The following CDH13 variants were observed in gnomAD, a reference collection of about 807,000 sequenced individuals.
CDH13 encodes cadherin-13.
In CDH13, 24 loss-of-function variants were observed where a neutral mutation model predicts 63.8. The ratio of observed to expected loss-of-function variants is 0.38; its 90% CI spans 0.27 to 0.53. The LOEUF (loss-of-function observed/expected upper bound fraction) is 0.53, where lower values mean the gene tolerates loss of function less well. CDH13 is among the 20% of genes least tolerant of loss of function. The pLI is 0.85. For synonymous variants in CDH13, 503 were observed against 355.3 expected, an observed-to-expected ratio of 1.42 and a Z score of -4.67; for missense variants, 1,049 against 903.1, an observed-to-expected ratio of 1.16 and a Z score of -2.07.
intron 6 of CDH13, among the ~76,000 whole-genome samples, chr16:83,384,373 T>G (rs1355708082): frequency 6.6e-6 from 1 of 151,980 alleles, no homozygotes; most frequent in Non-Finnish European, 1.5e-5. Context: ...CTTTCTTCCC[T>G]CCAAGTCCCC....
intron 7 of CDH13, among the ~76,000 whole-genome samples, chr16:83,496,391 G>T (rs1478601510): frequency 6.6e-6 from 1 of 150,528 alleles, no homozygotes; most frequent in East Asian, 2.0e-4. Context: ...ACAAACCTGA[G>T]AAAAACAAGC....
intron 2 of CDH13, among the ~76,000 whole-genome samples, chr16:82,878,902 C>G (rs375492356): frequency 2.6e-5 from 4 of 152,104 alleles, no homozygotes; most frequent in African/African-American, 9.7e-5. Flanking sequence ...AGCAGGCAGG[C>G]TTTTCAATGC....
intron 5 of CDH13, among the ~76,000 whole-genome samples, chr16:83,238,082 A>G (rs1904278419): frequency 7.3e-6 from 1 of 136,890 alleles, no homozygotes; most frequent in Admixed American, 7.8e-5. Context: ...AGCCTGTAGC[A>G]TTAGACTGGG....
intron 2 of CDH13, among the ~76,000 whole-genome samples, chr16:82,947,194 G>A (rs1486978173): frequency 6.6e-6 from 1 of 152,094 alleles, no homozygotes; most frequent in African/African-American, 2.4e-5. Flanking sequence ...CAGAGTAGGT[G>A]GTTATTCCTA....
chr16:82,790,883 C>A (rs2036264671), intron 1 of CDH13, among the ~76,000 whole-genome samples: 1 of 152,296 alleles, frequency 6.6e-6, no homozygotes, highest in South Asian at 2.1e-4. Flanking sequence ...TGGTCTCTCC[C>A]TTGACATATG....
At chr16:83,555,963 G>T (rs531917533) in intron 7 of CDH13, among the ~76,000 whole-genome samples, 1 of 152,310 alleles carries the variant, frequency 6.6e-6, no homozygotes, top group South Asian at 2.1e-4. Context: ...GATAGACAAA[G>T]CTATGGCCTG....
chr16:82,640,890 T>C (rs1298151883), intron 1 of CDH13, among the ~76,000 whole-genome samples: 1 of 152,208 alleles, frequency 6.6e-6, no homozygotes, highest in African/African-American at 2.4e-5. Flanking sequence ...TTAAGGCACT[T>C]TTGCTACCCA....
chr16:83,587,756 A>C (rs978717570), intron 7 of CDH13, among the ~76,000 whole-genome samples: 2 of 152,180 alleles, frequency 1.3e-5, no homozygotes, highest in Non-Finnish European at 2.9e-5. Flanking sequence ...ACCCATACAG[A>C]GAATGACATT....
chr16:83,122,761 A>G (rs1175081181), intron 3 of CDH13, among the ~76,000 whole-genome samples: 1 of 152,218 alleles, frequency 6.6e-6, no homozygotes, highest in Non-Finnish European at 1.5e-5. Flanking sequence ...CCCTAGATAA[A>G]AATTACCTAG....
At chr16:83,174,347 C>CT (rs1054580777) in intron 4 of CDH13, among the ~76,000 whole-genome samples, 1 of 151,984 alleles carries the variant, frequency 6.6e-6, no homozygotes, top group Non-Finnish European at 1.5e-5. Flanking sequence ...TTGGCACTAT[C>CT]TTTTTTTTCT....
chr16:82,998,655 T>C (rs1222140014), intron 2 of CDH13, among the ~76,000 whole-genome samples: 1 of 152,192 alleles, frequency 6.6e-6, no homozygotes, highest in Middle Eastern at 3.2e-3. Context: ...CTGCTATGAA[T>C]TAGCAGACAT....
intron 5 of CDH13, among the ~76,000 whole-genome samples, chr16:83,240,696 C>G (rs1216790054): frequency 9.1e-6 from 1 of 109,482 alleles, no homozygotes; most frequent in Non-Finnish European, 1.9e-5. Context: ...AAAAACATGA[C>G]TTTAAATTTA....
chr16:82,711,801 A>C (rs560628491), intron 1 of CDH13, among the ~76,000 whole-genome samples: 1 of 152,340 alleles, frequency 6.6e-6, no homozygotes, highest in Non-Finnish European at 1.5e-5. Context: ...GGTGATGCCG[A>C]TGAGTTCCCA....
chr16:83,030,610 T>C (rs1214708524), intron 2 of CDH13, among the ~76,000 whole-genome samples: 1 of 131,856 alleles, frequency 7.6e-6, no homozygotes, highest in African/African-American at 3.0e-5. Flanking sequence ...GCCACTGCAC[T>C]CCAGTCTGGA....
intron 10 of CDH13, among the ~76,000 whole-genome samples, chr16:83,705,968 A>T (rs965215521): frequency 6.6e-6 from 1 of 152,080 alleles, no homozygotes; most frequent in Admixed American, 6.5e-5. Context: ...TGCATAACAA[A>T]TCACACACAA....
intron 8 of CDH13, among the ~76,000 whole-genome samples, chr16:83,635,671 G>C (rs879257192): frequency 1.3e-5 from 2 of 152,074 alleles, no homozygotes; most frequent in South Asian, 2.1e-4. Flanking sequence ...TTTAATGTTT[G>C]AGTGTTGAGA....
chr16:83,351,506 G>T (rs1258335193), intron 6 of CDH13, among the ~76,000 whole-genome samples: 1 of 152,004 alleles, frequency 6.6e-6, no homozygotes, highest in East Asian at 1.9e-4. Context: ...GTGCTTTTCC[G>T]TAAATCTCTC....
At chr16:82,887,322 G>A (rs780661777) in intron 2 of CDH13, among the ~76,000 whole-genome samples, 1 of 152,192 alleles carries the variant, frequency 6.6e-6, no homozygotes, top group Non-Finnish European at 1.5e-5. Context: ...CTAAATGAGA[G>A]TAAAGAATGG....
chr16:83,178,792 C>T (rs771265729), intron 4 of CDH13, among the ~76,000 whole-genome samples: 2 of 152,018 alleles, frequency 1.3e-5, no homozygotes, highest in African/African-American at 2.4e-5. Context: ...ATCTTCCACT[C>T]GTTTCCTTGG....
Sources: gnomAD v4.1 joint callset for allele counts (sites outside exome capture counted in the v4.1 genomes callset) on GRCh38, gnomAD v4.1.1 for gene constraint, MANE v1.5 for transcripts, NCBI Gene and HGNC (gene_info 2026-07-23, HGNC 2026-07-21) for gene names.